The following IPCEF1 variants were observed in gnomAD, a reference collection of about 807,000 sequenced individuals.
IPCEF1 encodes the protein interaction protein for cytohesin exchange factors 1.
Under a neutral mutation model 50.9 loss-of-function variants are expected in IPCEF1, and 31 were observed. That is an observed-to-expected ratio of 0.61 (90% CI 0.46 to 0.82). The LOEUF (loss-of-function observed/expected upper bound fraction) is 0.82, where lower values mean the gene tolerates loss of function less well. Ranked by LOEUF, IPCEF1 falls within the 40% of genes least tolerant of loss-of-function variation. IPCEF1 has a pLI of 0.00. For missense variants in IPCEF1, 458 were observed against 514.0 expected (o/e 0.89, Z 1.05); for synonymous variants, 181 against 192.0 (o/e 0.94, Z 0.47).
chr6:154,222,629 G>A (rs928825836), intron 6 of IPCEF1, among the ~76,000 whole-genome samples: 1 of 152,156 alleles, frequency 6.6e-6, no homozygotes, highest in Non-Finnish European at 1.5e-5. Context: ...TTCCTTCTCA[G>A]GAAAACCAGG....
intron 5 of IPCEF1, among the ~76,000 whole-genome samples, chr6:154,243,529 G>T (rs1780768016): frequency 6.6e-6 from 1 of 152,160 alleles, no homozygotes; most frequent in Non-Finnish European, 1.5e-5. Context: ...GGTGAGGCTG[G>T]TCTTCCCAGG....
intron 1 of IPCEF1, among the ~76,000 whole-genome samples, chr6:154,352,612 C>A (rs1026849947): frequency 6.6e-6 from 1 of 152,206 alleles, no homozygotes; most frequent in Non-Finnish European, 1.5e-5. Context: ...CCGACTATCT[C>A]TCCTTTCTAA....
chr6:154,353,215 A>C (rs969421778), intron 1 of IPCEF1, among the ~76,000 whole-genome samples: 1 of 152,180 alleles, frequency 6.6e-6, no homozygotes, highest in African/African-American at 2.4e-5. Flanking sequence ...CTATCACTAA[A>C]ACATTGCTTT....
intron 1 of IPCEF1, among the ~76,000 whole-genome samples, chr6:154,331,415 A>AAAAGAAAGAGAGAGAGAG (rs1783668035): frequency 1.7e-5 from 1 of 57,682 alleles, no homozygotes; most frequent in Non-Finnish European, 3.2e-5. Context: ...AAGAGAGAGA[A>AAAAGAAAGAGAGAGAGAG]AAAGAAAGAG....
At chr6:154,187,240 C>T (rs1801458388) in intron 10 of IPCEF1, among the ~76,000 whole-genome samples, 1 of 152,068 alleles carries the variant, frequency 6.6e-6, no homozygotes, top group Non-Finnish European at 1.5e-5. Context: ...CACACCCCAC[C>T]CCATACCCCA....
At chr6:154,342,485 G>A (rs1783937774) in intron 1 of IPCEF1, among the ~76,000 whole-genome samples, 1 of 152,146 alleles carries the variant, frequency 6.6e-6, no homozygotes, top group African/African-American at 2.4e-5. Flanking sequence ...GCAGTGGCAT[G>A]ATCATAGCTC....
intron 3 of IPCEF1, among the ~76,000 whole-genome samples, chr6:154,259,390 C>T (rs148290705): frequency 1.8e-4 from 27 of 152,272 alleles, no homozygotes; most frequent in African/African-American, 5.8e-4. Flanking sequence ...TGGTGGCTCA[C>T]GCCTGTAATC....
At chr6:154,221,643 G>A (rs1778868002) in intron 6 of IPCEF1, among the ~76,000 whole-genome samples, 2 of 152,024 alleles carry the variant, frequency 1.3e-5, no homozygotes, top group African/African-American at 4.8e-5. Flanking sequence ...GGAGGCCGAG[G>A]CGGGCAGATC....
chr6:154,265,190 T>C (rs1781722814), intron 3 of IPCEF1, among the ~76,000 whole-genome samples: 1 of 152,214 alleles, frequency 6.6e-6, no homozygotes, highest in Non-Finnish European at 1.5e-5. Flanking sequence ...TAATAGAGAT[T>C]ATATACTTGC....
At position 154,250,166 on chromosome 6, in the gene IPCEF1, T is replaced by C. The variant is rs73789414; in HGVS notation, c.37-2678A>G. The stretch of plus-strand genomic sequence containing the variant: ...TTTGAGAACTTTATTGCATCTAAGA[T>C]AGATTTTACTCCTCACAACAGGAAG... On this transcript the variant is annotated intron_variant, in intron 3 of 11. Coordinates refer to ENST00000367220, the MANE Select transcript of IPCEF1 (RefSeq NM_001130700.2). 2.1e-3 allele frequency among the ~76,000 whole-genome samples: 321 copies of C among 151,946 alleles called. 2 individuals are homozygous for C. Among genetic ancestry groups the C allele is most frequent in the African/African-American group, 7.4e-3 (306 of 41,416 alleles).
At chr6:154,249,752 C>T (rs530268594) in intron 3 of IPCEF1, among the ~76,000 whole-genome samples, 4 of 152,052 alleles carry the variant, frequency 2.6e-5, no homozygotes, top group South Asian at 2.1e-4. Context: ...TGGAGCCCTC[C>T]GGCTCCACCT....
chr6:154,266,686 C>T (rs1164362681), intron 2 of IPCEF1, among the ~76,000 whole-genome samples: 1 of 151,350 alleles, frequency 6.6e-6, no homozygotes, highest in African/African-American at 2.4e-5. Context: ...CACTATTATC[C>T]AACTTTGAAA....
chr6:154,228,684 C>G (rs549007223), intron 5 of IPCEF1, among the ~76,000 whole-genome samples: 20 of 152,320 alleles, frequency 1.3e-4, no homozygotes, highest in African/African-American at 4.8e-4. Flanking sequence ...CTGATCATCT[C>G]TTTGATCTCA....
chr6:154,192,026 G>C (rs1324321573), intron 10 of IPCEF1, among the ~76,000 whole-genome samples: 1 of 152,096 alleles, frequency 6.6e-6, no homozygotes, highest in African/African-American at 2.4e-5. Flanking sequence ...TAAAACAATG[G>C]AGTACTATAA....
chr6:154,343,435 C>T (rs1783960678), intron 1 of IPCEF1, among the ~76,000 whole-genome samples: 2 of 152,090 alleles, frequency 1.3e-5, no homozygotes, highest in African/African-American at 4.8e-5. Context: ...AGGAAAGTGC[C>T]ATTTTATTAG....
At chr6:154,199,141 G>A (rs1301100892) in intron 10 of IPCEF1, among the ~76,000 whole-genome samples, 3 of 152,152 alleles carry the variant, frequency 2.0e-5, no homozygotes, top group Non-Finnish European at 4.4e-5. Context: ...TCCTTTATAT[G>A]TAAAGGTTCT....
rs190055210 is a variant in IPCEF1 at position 154,176,402 on chromosome 6, A to T, written c.911-8289T>A. Among the ~76,000 whole-genome samples the T allele has an allele frequency of 2.0e-5, 3 of 152,322 alleles. No homozygotes were observed. In the East Asian group the frequency reaches 5.8e-4, roughly 29 times the overall value. On this transcript the variant is annotated intron_variant, in intron 10 of 11. Coordinates refer to ENST00000367220, the MANE Select transcript of IPCEF1 (RefSeq NM_001130700.2). ...CAAATTGTCTTTGTTTGTGGATCAC[A>T]TGATTGTATATTTAGAAAACCCCAT...
chr6:154,312,615 G>C (rs1004467717), intron 1 of IPCEF1, among the ~76,000 whole-genome samples: 2 of 151,982 alleles, frequency 1.3e-5, no homozygotes, highest in Admixed American at 6.6e-5. Context: ...CAAAGTGCTG[G>C]GATTACAGGT....
At chr6:154,234,929 C>T (rs1320613298) in intron 5 of IPCEF1, among the ~76,000 whole-genome samples, 4 of 152,210 alleles carry the variant, frequency 2.6e-5, no homozygotes, top group African/African-American at 9.7e-5. Flanking sequence ...AGCTTCTGCT[C>T]AGTCTCATCT....
Sources: gnomAD v4.1 joint callset for allele counts (sites outside exome capture counted in the v4.1 genomes callset) on GRCh38, gnomAD v4.1.1 for gene constraint, MANE v1.5 for transcripts, NCBI Gene and HGNC (gene_info 2026-07-23, HGNC 2026-07-21) for gene names.